TRIM38: variants seen among roughly 807,000 people sequenced by gnomAD.
TRIM38 encodes the protein tripartite motif containing 38.
A neutral mutation model predicts 35.8 loss-of-function variants in TRIM38; 35 were observed. The ratio of observed to expected loss-of-function variants is 0.98; its 90% confidence interval spans 0.75 to 1.30. TRIM38 has a LOEUF of 1.30. TRIM38 is among the 50% of genes most tolerant of loss of function. The pLI, the probability that TRIM38 is intolerant of heterozygous loss-of-function variation, is 0.00. For missense variants in TRIM38, 545 were observed against 556.9 expected, an observed-to-expected ratio of 0.98 and a Z score of 0.21; for synonymous variants, 198 against 204.7, an observed-to-expected ratio of 0.97 and a Z score of 0.28.
chr6:25,975,555 A>G (rs1760366487), intron 7 of TRIM38: 2 of 929,670 alleles, frequency 2.2e-6, no homozygotes, highest in Admixed American at 6.2e-5. Context: ...ATGTATGTTT[A>G]TTTTATTTTA....
At chr6:25,968,825 C>A in intron 3 of TRIM38, among the ~76,000 whole-genome samples, 1 of 152,240 alleles carries the variant, frequency 6.6e-6, no homozygotes, top group East Asian at 1.9e-4. Context: ...TTTCTAATAA[C>A]CAGCTGGCAT....
At chr6:25,973,107 G>A in intron 6 of TRIM38, 31 bp downstream of exon 6, 1 of 1,613,950 alleles carries the variant, frequency 6.2e-7, no homozygotes, top group Non-Finnish European at 8.5e-7. Flanking sequence ...GGAGGGGAGG[G>A]GTGTGCGTAT....
intron 3 of TRIM38, among the ~76,000 whole-genome samples, chr6:25,967,398 G>C: frequency 6.6e-6 from 1 of 152,034 alleles, no homozygotes; most frequent in East Asian, 1.9e-4. Context: ...GGGACATTTA[G>C]GGTAGAGAGT....
intron 2 of TRIM38, among the ~76,000 whole-genome samples, chr6:25,964,280 A>G (rs1759949471): frequency 6.6e-6 from 1 of 152,196 alleles, no homozygotes; most frequent in South Asian, 2.1e-4. Context: ...ATATGTATGT[A>G]TACTGTATAA....
At chr6:25,979,643 T>C (rs1359823302) in intron 7 of TRIM38, among the ~76,000 whole-genome samples, 3 of 150,632 alleles carry the variant, frequency 2.0e-5, no homozygotes, top group Non-Finnish European at 4.4e-5. Context: ...GAAGCTACCT[T>C]TTTTTTTGTT....
In TRIM38 at chr6:25,969,391, T is replaced by A; in HGVS notation, c.478T>A (p.Ser160Thr). Reference sequence around the variant, plus strand: ...AGACAGATGTACGGAGCAGAAGCTGTCCACAGCAATGCGAATAACTAAATG... The same window carrying A: ...AGACAGATGTACGGAGCAGAAGCTGACCACAGCAATGCGAATAACTAAATG... ...LEDRCTEQKL[S>T]TAMRITKWKE... is the part of the protein sequence containing the mutation. Residue 160 changes from serine to threonine, a missense_variant, in exon 4 of 8, where the codon TCC (serine) becomes ACC (threonine). Coordinates refer to ENST00000357085, the MANE Select transcript of TRIM38 (RefSeq NM_006355.5). 1 of 1,611,254 alleles carries A rather than the reference T, an allele frequency of 6.2e-7. No individual in the cohort carries two copies. The highest frequency in any genetic ancestry group is 8.5e-7 in the Non-Finnish European group (1 of 1,178,664).
chr6:25,980,151 C>T (rs192006675), intron 7 of TRIM38, among the ~76,000 whole-genome samples: 1 of 152,238 alleles, frequency 6.6e-6, no homozygotes, highest in African/African-American at 2.4e-5. Context: ...AATTGCTGAG[C>T]TTTATGTATT....
At chr6:25,968,408 T>G (rs1198763315) in intron 3 of TRIM38, among the ~76,000 whole-genome samples, 1 of 152,210 alleles carries the variant, frequency 6.6e-6, no homozygotes, top group African/African-American at 2.4e-5. Flanking sequence ...CACCTTGGTT[T>G]CTCCATCTGT....
chr6:25,975,263 G>A, intron 7 of TRIM38: 1 of 423,990 alleles, frequency 2.4e-6, no homozygotes, highest in Non-Finnish European at 3.1e-6. Flanking sequence ...AGGCTGGCTT[G>A]CAGTGCCGCA....
Position 25,983,672 on chromosome 6 carries a change from TC to T in TRIM38, c.1388del (p.Pro463GlnfsTer13). The T allele has an allele frequency of 6.3e-7, 1 of 1,587,684 alleles. No individual in the cohort carries two copies. On this transcript the variant is annotated frameshift_variant, in exon 8 of 8. Transcript: ENST00000357085. LOFTEE classifies it high-confidence loss of function. ...ATCAATATTCTCCTTTGTTTCTGCCTCCCCCAGGTGACTAAGGAAAAGAGCA... is the reference window on the plus strand; with the variant it reads ...ATCAATATTCTCCTTTGTTTCTGCCTCCCCAGGTGACTAAGGAAAAGAGCA... ...VYQYSPLFLP[P>X]PGD
intron 4 of TRIM38, among the ~76,000 whole-genome samples, chr6:25,970,327 T>C (rs1286703000): frequency 6.6e-6 from 1 of 152,236 alleles, no homozygotes; most frequent in South Asian, 2.1e-4. Context: ...CAGAGCCACA[T>C]TCTTTTATGG....
chr6:25,970,934 A>G (rs16891200), intron 4 of TRIM38, among the ~76,000 whole-genome samples: 1,956 of 152,194 alleles, frequency 0.013, 80 homozygotes, highest in East Asian at 0.038. Context: ...TGTCAGTCTT[A>G]CACATAGGAA....
Position 25,983,664 on chromosome 6 carries a change from T to C in TRIM38, c.1375T>C (p.Phe459Leu). The C allele has an allele frequency of 6.3e-7, 1 of 1,599,350 alleles. No individual in the cohort carries two copies. Among genetic ancestry groups the C allele is most frequent in the Non-Finnish European group, 8.5e-7 (1 of 1,173,294 alleles). The change falls in exon 8 of 8, where the codon TTT (phenylalanine) becomes CTT (leucine). Residue 459 changes from phenylalanine (F) to leucine (L), a missense_variant. Coordinates refer to ENST00000357085, the MANE Select transcript of TRIM38 (RefSeq NM_006355.5). Reference protein sequence around the residue: ...YFQVYQYSPLFLPPPGD With the variant: ...YFQVYQYSPLLLPPPGD The stretch of plus-strand genomic sequence containing the variant: ...CCAGGTTTATCAATATTCTCCTTTG[T>C]TTCTGCCTCCCCCAGGTGACTAAGG...
chr6:25,969,370 A>G lies in TRIM38; in HGVS notation c.457A>G (p.Arg153Gly), dbSNP rs1469315029. ...GACAAAACTGAAGCAACTTGAAGAC[A>G]GATGTACGGAGCAGAAGCTGTCCAC... ...AVTKLKQLED[R>G]CTEQKLSTAM... The change falls in exon 4 of 8, where the codon AGA becomes GGA. Residue 153 changes from arginine (R) to glycine (G), a missense_variant. Transcript: ENST00000357085. 1.9e-6 allele frequency: 3 copies of G among 1,612,956 alleles called. No homozygotes were observed. Among genetic ancestry groups the G allele is most frequent in the Non-Finnish European group, 2.5e-6 (3 of 1,179,522 alleles).
chr6:25,990,815 T>C lies in TRIM38; in HGVS notation c.*7128T>C, dbSNP rs139850271. 6.0e-3 allele frequency: 920 copies of C among 152,184 alleles called. 9 individuals carry two copies. The highest frequency in any genetic ancestry group is 0.021 in the African/African-American group (884 of 41,554). The allele number at this position is 152,184 out of a possible 1,614,324, so 9.4% of individuals were successfully genotyped here. A position where few individuals can be genotyped will look rare whatever the true frequency, so the allele number is the denominator to read the frequency against. On this transcript the variant is annotated 3_prime_UTR_variant, in exon 8 of 8. Coordinates refer to ENST00000357085, the MANE Select transcript of TRIM38 (RefSeq NM_006355.5). ...ATAAAAGATTTTTATATTTTTTAAT[T>C]CTTAAAATTTTATTATTTATTTCAC...
At chr6:25,978,912 C>T (rs1581607733) in intron 7 of TRIM38, among the ~76,000 whole-genome samples, 1 of 152,118 alleles carries the variant, frequency 6.6e-6, no homozygotes, top group East Asian at 1.9e-4. Flanking sequence ...AAGTGATTGA[C>T]CCGCCTCAGC....
At chr6:25,964,728 A>G (rs1581594819) in intron 2 of TRIM38, among the ~76,000 whole-genome samples, 1 of 152,134 alleles carries the variant, frequency 6.6e-6, no homozygotes, top group Non-Finnish European at 1.5e-5. Context: ...GAAGCTCCCC[A>G]TACTCCTTCA....
rs1431571446 is a variant in TRIM38 at position 25,973,205 on chromosome 6, C to A, written c.794C>A (p.Ala265Asp). 6.2e-7 allele frequency: 1 copy of A among 1,614,190 alleles called. No homozygotes were observed. Among genetic ancestry groups the A allele is most frequent in the Non-Finnish European group, 8.5e-7 (1 of 1,180,026 alleles). Residue 265 changes from alanine to aspartate, a missense_variant, in exon 7 of 8, where the codon GCT (alanine) becomes GAT (aspartate). Coordinates refer to ENST00000357085, the MANE Select transcript of TRIM38 (RefSeq NM_006355.5). ...GCTGTGAAGCTGGAAACATCAGAGGCTGTCTCCTTGGAACTTCATACTATG... is the reference window on the plus strand; with the variant it reads ...GCTGTGAAGCTGGAAACATCAGAGGATGTCTCCTTGGAACTTCATACTATG... ...SWAVKLETSE[A>D]VSLELHTMCN...
rs1348085753 is a variant in TRIM38, at chr6:25,986,532, A to AC, written c.*2845_*2846insC. ...TTGTCTCAAAAAAAAAAAAAAAAAA[A>AC]GTTACAGAGCTCCAACTAAATAATG... On this transcript the variant is annotated 3_prime_UTR_variant, in exon 8 of 8. Coordinates refer to ENST00000357085, the MANE Select transcript of TRIM38 (RefSeq NM_006355.5). 3 of 151,376 alleles carry AC rather than the reference A, an allele frequency of 2.0e-5. No homozygotes were observed. Among genetic ancestry groups the AC allele is most frequent in the African/African-American group, 7.3e-5 (3 of 41,096 alleles). The allele number at this position is 151,376 out of a possible 1,614,324, so 9.4% of individuals were successfully genotyped here.
Sources: gnomAD v4.1 joint callset for allele counts (sites outside exome capture counted in the v4.1 genomes callset) on GRCh38, gnomAD v4.1.1 for gene constraint, MANE v1.5 for transcripts, NCBI Gene and HGNC (gene_info 2026-07-23, HGNC 2026-07-21) for gene names.